EGFR: variants seen among roughly 807,000 people sequenced by gnomAD.
EGFR encodes avian erythroblastic leukemia viral (v-erb-b) oncogene homolog.
Under a neutral mutation model 143.0 loss-of-function variants are expected in EGFR, and 58 were observed. That is an observed-to-expected ratio of 0.41 (90% CI 0.33 to 0.50). The LOEUF (loss-of-function observed/expected upper bound fraction) is 0.50. EGFR is among the 20% of genes least tolerant of loss of function. The pLI is 0.39. For synonymous variants in EGFR, 613 were observed against 594.4 expected (o/e 1.03, Z -0.45); for missense variants, 1,307 against 1,579.0 (o/e 0.83, Z 2.92).
chr7:55,055,955 A>G (rs1399835010), intron 1 of EGFR, among the ~76,000 whole-genome samples: 1 of 152,028 alleles, frequency 6.6e-6, no homozygotes, highest in Non-Finnish European at 1.5e-5. Flanking sequence ...CAGTCTCCTC[A>G]TCTGGGTAAT....
intron 19 of EGFR, among the ~76,000 whole-genome samples, chr7:55,176,982 A>G (rs553473634): frequency 1.3e-5 from 2 of 150,972 alleles, no homozygotes; most frequent in African/African-American, 4.8e-5. Context: ...AAATAAATAA[A>G]AGAAATAAAA....
At chr7:55,135,391 A>G (rs1044956200) in intron 1 of EGFR, among the ~76,000 whole-genome samples, 1 of 152,072 alleles carries the variant, frequency 6.6e-6, no homozygotes, top group East Asian at 1.9e-4. Flanking sequence ...CAGAAATTCA[A>G]AAGGACTTTT....
chr7:55,051,769 C>G (rs998179930), intron 1 of EGFR, among the ~76,000 whole-genome samples: 1 of 152,196 alleles, frequency 6.6e-6, no homozygotes, highest in Non-Finnish European at 1.5e-5. Flanking sequence ...TCTCCAGGGT[C>G]ATGCCACCCT....
intron 1 of EGFR, chr7:55,043,996 C>A (rs533800295): frequency 6.6e-6 from 1 of 152,176 alleles, no homozygotes; most frequent in South Asian, 2.1e-4. Context: ...CACGTGAAGA[C>A]GCCTTAGTTA....
chr7:55,160,085 G>A (rs1785618750), intron 11 of EGFR, 54 bp from the exon 12 acceptor site: 7 of 1,592,598 alleles, frequency 4.4e-6, no homozygotes, highest in Admixed American at 1.7e-5. Context: ...AGTTTTCAGG[G>A]ATACATTGTT....
intron 1 of EGFR, among the ~76,000 whole-genome samples, chr7:55,111,364 G>A (rs1486592851): frequency 7.1e-6 from 1 of 140,096 alleles, no homozygotes; most frequent in Non-Finnish European, 1.5e-5. Flanking sequence ...CTTGCTAGAC[G>A]TTTTGTTTTT....
chr7:55,195,915 C>CTGT (rs1438080214), intron 22 of EGFR, among the ~76,000 whole-genome samples: 20 of 152,262 alleles, frequency 1.3e-4, no homozygotes, highest in African/African-American at 4.6e-4. Flanking sequence ...TTTATCCAGT[C>CTGT]TGTCATTGAT....
chr7:55,084,511 C>G (rs1225293515), intron 1 of EGFR, among the ~76,000 whole-genome samples: 1 of 152,222 alleles, frequency 6.6e-6, no homozygotes, highest in African/African-American at 2.4e-5. Flanking sequence ...TGCACAACTT[C>G]AACTTTGCCA....
intron 1 of EGFR, among the ~76,000 whole-genome samples, chr7:55,041,554 GCA>G (rs1375468129): frequency 1.3e-5 from 2 of 152,128 alleles, no homozygotes; most frequent in Non-Finnish European, 2.9e-5. Context: ...ATATATGTAG[GCA>G]CCGTTGCATT....
At chr7:55,078,244 C>T (rs1790242600) in intron 1 of EGFR, among the ~76,000 whole-genome samples, 1 of 151,988 alleles carries the variant, frequency 6.6e-6, no homozygotes, top group African/African-American at 2.4e-5. Flanking sequence ...GGCCCTGGGC[C>T]CCGCACACAC....
At chr7:55,059,399 G>T (rs183371509) in intron 1 of EGFR, among the ~76,000 whole-genome samples, 2 of 152,140 alleles carry the variant, frequency 1.3e-5, no homozygotes, top group African/African-American at 4.8e-5. Context: ...GTCCCTGCAG[G>T]TTTCCCCTAT....
At chr7:55,045,639 A>G (rs547221860) in intron 1 of EGFR, among the ~76,000 whole-genome samples, 1 of 152,324 alleles carries the variant, frequency 6.6e-6, no homozygotes, top group Non-Finnish European at 1.5e-5. Context: ...TTTGTGCCTC[A>G]GTTTCCTCAC....
chr7:55,187,370 G>A (rs112294740), intron 20 of EGFR, among the ~76,000 whole-genome samples: 1,967 of 152,236 alleles, frequency 0.013, 44 homozygotes, highest in African/African-American at 0.045. Flanking sequence ...AAAGGCATGC[G>A]GTGTTTACGT....
intron 11 of EGFR, among the ~76,000 whole-genome samples, chr7:55,158,603 C>G (rs1785541325): frequency 6.6e-6 from 1 of 152,176 alleles, no homozygotes; most frequent in African/African-American, 2.4e-5. Flanking sequence ...AGATTTAGAG[C>G]AATTTTCTTG....
At chr7:55,181,960 A>G in intron 20 of EGFR, 1 of 241,736 alleles carries the variant, frequency 4.1e-6, no homozygotes, top group Non-Finnish European at 8.1e-6. Context: ...TGCTGCTGCT[A>G]TGTGGCTGGG....
chr7:55,039,686 G>A (rs1046190928), intron 1 of EGFR, among the ~76,000 whole-genome samples: 1 of 152,172 alleles, frequency 6.6e-6, no homozygotes, highest in African/African-American at 2.4e-5. Flanking sequence ...GGATACTTGA[G>A]TGTATCGGTA....
intron 1 of EGFR, among the ~76,000 whole-genome samples, chr7:55,070,715 G>C (rs1789772201): frequency 6.6e-6 from 1 of 152,186 alleles, no homozygotes; most frequent in African/African-American, 2.4e-5. Flanking sequence ...GCTGATTGTA[G>C]AAGCAAATTT....
rs2128977347 is a variant in EGFR at position 55,210,621 on chromosome 7, C to T, written c.*5004C>T. On this transcript the variant is annotated 3_prime_UTR_variant, in exon 28 of 28. Coordinates refer to ENST00000275493, the MANE Select transcript of EGFR (RefSeq NM_005228.5). ...GATTCTCAGGCCTAGAGAGCTAAGA[C>T]ACAAAGACCTCCACATCTGTCGCTG... The T allele has an allele frequency of 6.6e-6, 1 of 152,314 alleles. No homozygotes were observed. Among genetic ancestry groups the T allele is most frequent in the East Asian group, 1.9e-4 (1 of 5,182 alleles). 9.4% of individuals were successfully genotyped at this position (152,314 alleles called of 1,614,324 possible). A position where few individuals can be genotyped will look rare whatever the true frequency, so the allele number is the denominator to read the frequency against.
rs568552793 is a variant in EGFR, at chr7:55,206,102, G to A, written c.*485G>A. ...TTCCAGAGGATGCTTGATTCCAGTG[G>A]TTCTGCTTCAAGGCTTCCACTGCAA... On this transcript the variant is annotated 3_prime_UTR_variant, in exon 28 of 28. Coordinates refer to ENST00000275493, the MANE Select transcript of EGFR (RefSeq NM_005228.5). 9.4e-6 allele frequency: 3 copies of A among 318,470 alleles called. No individual in the cohort carries two copies. The Admixed American group carries it at 1.4e-4, about 15-fold the overall frequency. 19.7% of individuals were successfully genotyped at this position (318,470 alleles called of 1,614,324 possible).
Sources: gnomAD v4.1 joint callset for allele counts (sites outside exome capture counted in the v4.1 genomes callset) on GRCh38, gnomAD v4.1.1 for gene constraint, MANE v1.5 for transcripts, NCBI Gene and HGNC (gene_info 2026-07-23, HGNC 2026-07-21) for gene names.